Variants in MAPK10 observed in about 807,000 individuals in gnomAD.
MAPK10 encodes the protein mitogen-activated protein kinase 10, also known as JNK3 alpha protein kinase.
A neutral mutation model predicts 59.3 loss-of-function variants in MAPK10; 25 were observed. The ratio of observed to expected loss-of-function variants is 0.42; its 90% CI spans 0.31 to 0.59. MAPK10 has a LOEUF of 0.59. Ranked by LOEUF, MAPK10 falls within the 20% of genes least tolerant of loss-of-function variation. The pLI, the probability that MAPK10 is intolerant of heterozygous loss-of-function variation, is 0.15. For synonymous variants in MAPK10, 190 were observed against 200.5 expected, an observed-to-expected ratio of 0.95 and a Z score of 0.44; for missense variants, 351 against 568.9, an observed-to-expected ratio of 0.62 and a Z score of 3.90.
At chr4:86,530,668 T>C (rs991249351) in intron 1 of MAPK10, among the ~76,000 whole-genome samples, 1 of 152,188 alleles carries the variant, frequency 6.6e-6, no homozygotes, top group Non-Finnish European at 1.5e-5. Context: ...GAAAGCTCTC[T>C]GGAGCCTCTG....
chr4:86,117,048 TTTC>T (rs2058394649), intron 4 of MAPK10, among the ~76,000 whole-genome samples: 1 of 152,228 alleles, frequency 6.6e-6, no homozygotes, highest in Non-Finnish European at 1.5e-5. Flanking sequence ...TGACCACATT[TTTC>T]AAGTATATCC....
chr4:86,477,948 G>C (rs527492063), intron 1 of MAPK10, among the ~76,000 whole-genome samples: 8 of 152,048 alleles, frequency 5.3e-5, no homozygotes, highest in Admixed American at 2.0e-4. Flanking sequence ...CTGTACTGCC[G>C]CAAGGCTTCA....
chr4:86,554,453 C>T (rs1760098089), intron 1 of MAPK10, among the ~76,000 whole-genome samples: 1 of 152,180 alleles, frequency 6.6e-6, no homozygotes, highest in Non-Finnish European at 1.5e-5. Flanking sequence ...ATATTCCCAA[C>T]TTTCCCATCA....
At chr4:86,389,405 T>C (rs1741915955) in intron 1 of MAPK10, among the ~76,000 whole-genome samples, 1 of 151,920 alleles carries the variant, frequency 6.6e-6, no homozygotes, top group Non-Finnish European at 1.5e-5. Context: ...GTAATAAACT[T>C]AATAATACTA....
intron 1 of MAPK10, among the ~76,000 whole-genome samples, chr4:86,519,553 G>A (rs1372192735): frequency 6.6e-6 from 1 of 152,102 alleles, no homozygotes; most frequent in African/African-American, 2.4e-5. Context: ...CAGATATTTG[G>A]TTGGTGAATT....
intron 2 of MAPK10, among the ~76,000 whole-genome samples, chr4:86,212,833 C>G (rs112663482): frequency 6.6e-6 from 1 of 151,994 alleles, no homozygotes; most frequent in East Asian, 1.9e-4. Context: ...CATACAAATA[C>G]AAATTATATG....
chr4:86,071,003 CA>C (rs1561288886), intron 9 of MAPK10, among the ~76,000 whole-genome samples: 1 of 151,962 alleles, frequency 6.6e-6, no homozygotes, highest in Non-Finnish European at 1.5e-5. Context: ...TTTACAGTCC[CA>C]CCAACAGTGT....
At chr4:86,481,719 G>A (rs1188665361) in intron 1 of MAPK10, among the ~76,000 whole-genome samples, 2 of 152,142 alleles carry the variant, frequency 1.3e-5, no homozygotes, top group Non-Finnish European at 2.9e-5. Flanking sequence ...AGGCAAGTAC[G>A]TACTGCTAGA....
At chr4:86,383,062 T>C (rs183741356) in intron 1 of MAPK10, among the ~76,000 whole-genome samples, 10 of 152,354 alleles carry the variant, frequency 6.6e-5, no homozygotes, top group African/African-American at 2.2e-4. Context: ...TCATTCTGCA[T>C]AGTGTAAGAA....
intron 2 of MAPK10, among the ~76,000 whole-genome samples, chr4:86,299,493 T>C (rs2095429355): frequency 6.6e-6 from 1 of 152,190 alleles, no homozygotes. Context: ...AAGATGCCTG[T>C]CTAGGAAACG....
At chr4:86,164,705 A>G (rs1178879975) in intron 3 of MAPK10, 1 of 152,206 alleles carries the variant, frequency 6.6e-6, no homozygotes, top group Non-Finnish European at 1.5e-5. Context: ...TTGCTTACCT[A>G]CTATAGACAT....
intron 2 of MAPK10, among the ~76,000 whole-genome samples, chr4:86,253,611 T>C (rs1443726371): frequency 3.5e-5 from 1 of 28,374 alleles, no homozygotes; most frequent in Non-Finnish European, 5.5e-5. Flanking sequence ...TCAATGTTCA[T>C]CAAGGATATT....
intron 1 of MAPK10, among the ~76,000 whole-genome samples, chr4:86,511,814 C>CAAGGAAGGAAGGAAAG (rs1416159233): frequency 3.2e-5 from 4 of 124,260 alleles, no homozygotes; most frequent in Non-Finnish European, 6.5e-5. Context: ...AGGAAGGAAA[C>CAAGGAAGGAAGGAAAG]AAGGAAGGAA....
chr4:86,507,656 A>G (rs1363437297), intron 1 of MAPK10, among the ~76,000 whole-genome samples: 2 of 87,724 alleles, frequency 2.3e-5, no homozygotes, highest in African/African-American at 7.9e-5. Flanking sequence ...ATATATATAT[A>G]TATATATATA....
intron 2 of MAPK10, among the ~76,000 whole-genome samples, chr4:86,281,041 C>G (rs1276433172): frequency 1.3e-5 from 2 of 152,104 alleles, no homozygotes; most frequent in Non-Finnish European, 2.9e-5. Context: ...CAAACCTCAG[C>G]ATATACAATA....
intron 1 of MAPK10, among the ~76,000 whole-genome samples, chr4:86,503,425 T>C (rs1252290519): frequency 2.6e-5 from 4 of 152,076 alleles, no homozygotes; most frequent in Non-Finnish European, 4.4e-5. Context: ...TTCCCATCTG[T>C]GGGTACCAAC....
chr4:86,592,934 A>C (rs191003082), intron 1 of MAPK10, among the ~76,000 whole-genome samples: 1 of 152,312 alleles, frequency 6.6e-6, no homozygotes, highest in Non-Finnish European at 1.5e-5. Flanking sequence ...CAAGAGTGCT[A>C]GTTTTCTTTC....
intron 2 of MAPK10, among the ~76,000 whole-genome samples, chr4:86,321,493 A>C (rs1471389252): frequency 2.0e-5 from 3 of 150,858 alleles, no homozygotes; most frequent in Admixed American, 6.6e-5. Context: ...GAACAAAAAA[A>C]CAAACACCGC....
intron 1 of MAPK10, among the ~76,000 whole-genome samples, chr4:86,569,872 TGG>T (rs1761331290): frequency 6.6e-6 from 1 of 152,090 alleles, no homozygotes; most frequent in South Asian, 2.1e-4. Flanking sequence ...ATTCAGATGA[TGG>T]GTACATTAAA....
Sources: allele counts gnomAD v4.1 joint callset (sites outside exome capture counted in the v4.1 genomes callset), GRCh38; gene constraint gnomAD v4.1.1; transcripts MANE v1.5; gene names NCBI Gene and HGNC (gene_info 2026-07-23, HGNC 2026-07-21).